Variants in MAP3K13 observed in about 807,000 individuals in gnomAD.
MAP3K13 encodes leucine zipper-bearing kinase.
A neutral mutation model predicts 104.0 loss-of-function variants in MAP3K13; 52 were observed. The observed-to-expected ratio is 0.50, with a 90% CI of 0.40 to 0.63. The LOEUF (loss-of-function observed/expected upper bound fraction) is 0.63. Ranked by LOEUF, MAP3K13 falls within the 20% of genes least tolerant of loss-of-function variation. The pLI is 0.00. For synonymous variants in MAP3K13, 394 were observed against 442.2 expected (o/e 0.89, Z 1.37); for missense variants, 914 against 1,218.5 (o/e 0.75, Z 3.72).
intron 1 of MAP3K13, chr3:185,285,283 G>T: frequency 5.0e-6 from 1 of 198,344 alleles, no homozygotes; most frequent in African/African-American, 2.3e-5. Context: ...ATAAAATTAT[G>T]GTACAAAGTC....
chr3:185,408,759 T>G (rs1713262464), intron 1 of MAP3K13, among the ~76,000 whole-genome samples: 1 of 152,160 alleles, frequency 6.6e-6, no homozygotes, highest in African/African-American at 2.4e-5. Context: ...CTGCACTCTT[T>G]GCAATTACAG....
chr3:185,480,561 GT>G (rs1560137896), intron 13 of MAP3K13, 32 bp downstream of exon 13: 1 of 1,596,322 alleles, frequency 6.3e-7, no homozygotes, highest in Non-Finnish European at 8.5e-7. Context: ...TCCCATCACT[GT>G]TCCCTTTTTT....
At position 185,400,905 on chromosome 3, in the gene MAP3K13, GTTT is replaced by G. The variant is rs71164506; in HGVS notation, c.-85-27577_-85-27575del. 5.2e-3 allele frequency among the ~76,000 whole-genome samples: 554 copies of G among 107,290 alleles called. 2 individuals carry two copies. The highest frequency in any genetic ancestry group is 0.018 in the African/African-American group (485 of 27,628). 70.4% of individuals were successfully genotyped at this position (107,290 alleles called of 152,430 possible). A position where few individuals can be genotyped will look rare whatever the true frequency, so the allele number is the denominator to read the frequency against. ...TTAGGATAATTCTGGGTGTTTGTTT[GTTT>G]TTTTTTTTTTTTTTGTCTTCTTTTG... On this transcript the variant is annotated intron_variant, in intron 1 of 13. Coordinates refer to ENST00000265026, the MANE Select transcript of MAP3K13 (RefSeq NM_004721.5).
intron 2 of MAP3K13, among the ~76,000 whole-genome samples, chr3:185,354,618 G>C (rs1273904571): frequency 6.9e-6 from 1 of 144,886 alleles, no homozygotes; most frequent in Non-Finnish European, 1.5e-5. Context: ...TGGGGGGGGG[G>C]CAGGGTACTA....
intron 2 of MAP3K13, among the ~76,000 whole-genome samples, chr3:185,354,029 GACAAGCCTTTATTCCCTTC>G (rs1437579498): frequency 6.6e-6 from 1 of 152,154 alleles, no homozygotes; most frequent in Non-Finnish European, 1.5e-5. Context: ...TTTGTGTAAG[GACAAGCCTTTATTCCCTTC>G]ACAAGCGTGC....
At chr3:185,323,779 G>T (rs1721950759) in intron 2 of MAP3K13, among the ~76,000 whole-genome samples, 1 of 152,044 alleles carries the variant, frequency 6.6e-6, no homozygotes, top group Non-Finnish European at 1.5e-5. Flanking sequence ...TTTAGTTATT[G>T]CTGGGTGAAA....
chr3:185,291,619 G>A, intron 2 of MAP3K13: 7 of 1,525,004 alleles, frequency 4.6e-6, no homozygotes, highest in Non-Finnish European at 6.1e-6. Flanking sequence ...CAAGCATCAA[G>A]TACCACGTTT....
rs1374785481 is a variant in MAP3K13, at chr3:185,483,077, A to G, written c.*621A>G. Reference sequence around the variant, plus strand: ...CAGCTTGTCCAGGTGGCTTACGGAAATGACCTAGAAAAGTCTGGTGACCAG... The same window carrying G: ...CAGCTTGTCCAGGTGGCTTACGGAAGTGACCTAGAAAAGTCTGGTGACCAG... On this transcript the variant is annotated 3_prime_UTR_variant, in exon 14 of 14. Coordinates refer to ENST00000265026, the MANE Select transcript of MAP3K13 (RefSeq NM_004721.5). The G allele has an allele frequency of 4.3e-6, 1 of 232,766 alleles. No individual in the cohort carries two copies. The highest frequency in any genetic ancestry group is 8.5e-6 in the Non-Finnish European group (1 of 117,852). The allele number at this position is 232,766 out of a possible 1,614,324, so 14.4% of individuals were successfully genotyped here.
chr3:185,370,905 T>C (rs1009334887), intron 1 of MAP3K13, among the ~76,000 whole-genome samples: 2 of 152,194 alleles, frequency 1.3e-5, no homozygotes, highest in African/African-American at 4.8e-5. Flanking sequence ...TTCATCCTAT[T>C]ACCTCTTTCT....
At chr3:185,293,517 A>G (rs541114188) in intron 2 of MAP3K13, among the ~76,000 whole-genome samples, 4 of 149,872 alleles carry the variant, frequency 2.7e-5, no homozygotes, top group African/African-American at 9.9e-5. Context: ...TTGACCCACC[A>G]GGCTCAAGTG....
chr3:185,481,968 C>G (rs1212369652), intron 13 of MAP3K13, among the ~76,000 whole-genome samples: 1 of 152,192 alleles, frequency 6.6e-6, no homozygotes, highest in Non-Finnish European at 1.5e-5. Flanking sequence ...CCTGTAGTCC[C>G]AGCCGCTCAG....
chr3:185,446,585 C>A (rs1715606110), intron 4 of MAP3K13, among the ~76,000 whole-genome samples: 1 of 152,224 alleles, frequency 6.6e-6, no homozygotes, highest in Non-Finnish European at 1.5e-5. Context: ...GCAGAGAGCA[C>A]TTTGCCTCAG....
At chr3:185,457,050 C>A (rs1716797025) in intron 7 of MAP3K13, among the ~76,000 whole-genome samples, 1 of 152,112 alleles carries the variant, frequency 6.6e-6, no homozygotes, top group African/African-American at 2.4e-5. Context: ...TTACTTAAGT[C>A]CTCCTAAAAC....
At chr3:185,464,329 T>C (rs1717286256) in intron 8 of MAP3K13, among the ~76,000 whole-genome samples, 1 of 152,172 alleles carries the variant, frequency 6.6e-6, no homozygotes, top group African/African-American at 2.4e-5. Context: ...GAATAATCAC[T>C]GATATGGTTT....
intron 1 of MAP3K13, among the ~76,000 whole-genome samples, chr3:185,400,538 A>G (rs1712732369): frequency 6.6e-6 from 1 of 152,218 alleles, no homozygotes; most frequent in Admixed American, 6.5e-5. Flanking sequence ...AGAATAGCAA[A>G]TATCTAAGTG....
rs1179792782 is a variant in MAP3K13 at position 185,473,081 on chromosome 3, T to C, written c.1750T>C (p.Tyr584His). The C allele has an allele frequency of 3.2e-5, 52 of 1,614,044 alleles. No homozygotes were observed. Among genetic ancestry groups the C allele is most frequent in the Non-Finnish European group, 4.2e-5 (49 of 1,180,040 alleles). Reference sequence around the variant, plus strand: ...GTCCACTTCTAGCAGCAAGAGCCGATATCGAAGCAAACCACGCCACCGCCG... The same window carrying C: ...GTCCACTTCTAGCAGCAAGAGCCGACATCGAAGCAAACCACGCCACCGCCG... Reference protein sequence around the residue: ...KMSTSSSKSRYRSKPRHRRGN... With the variant: ...KMSTSSSKSRHRSKPRHRRGN... Residue 584 changes from tyrosine to histidine, a missense_variant, in exon 11 of 14, where the codon TAT (tyrosine) becomes CAT (histidine). Physicochemically the swap from Tyr to His is moderately conservative, Grantham distance 83. Coordinates refer to ENST00000265026, the MANE Select transcript of MAP3K13 (RefSeq NM_004721.5). This position sits in a 1 kb window ranked among gnomAD's most constrained non-coding sequence, Gnocchi z 4.9.
chr3:185,374,980 A>T (rs1457400386), intron 1 of MAP3K13, among the ~76,000 whole-genome samples: 1 of 152,178 alleles, frequency 6.6e-6, no homozygotes, highest in East Asian at 1.9e-4. Flanking sequence ...AAACTGTTGG[A>T]GGGTACTTTG....
chr3:185,286,304 T>C (rs564727988), intron 2 of MAP3K13, among the ~76,000 whole-genome samples: 1 of 152,236 alleles, frequency 6.6e-6, no homozygotes, highest in East Asian at 1.9e-4. Context: ...ATAATATTTG[T>C]CACCTTTTAA....
chr3:185,366,651 T>C (rs1723902827), intron 1 of MAP3K13, among the ~76,000 whole-genome samples: 1 of 152,248 alleles, frequency 6.6e-6, no homozygotes. Context: ...AAATGGAATC[T>C]CATTGTGGTT....
Sources: allele counts gnomAD v4.1 joint callset (sites outside exome capture counted in the v4.1 genomes callset), GRCh38; gene constraint gnomAD v4.1.1; non-coding constraint Gnocchi (gnomAD v3.1); transcripts MANE v1.5; gene names NCBI Gene and HGNC (gene_info 2026-07-23, HGNC 2026-07-21).